PIGS: variants seen among roughly 807,000 people sequenced by gnomAD.
PIGS encodes phosphatidylinositol glycan anchor biosynthesis class S.
A neutral mutation model predicts 58.2 loss-of-function variants in PIGS; 37 were observed. The observed-to-expected ratio is 0.64, with a 90% CI of 0.49 to 0.84. The LOEUF is 0.84. PIGS is among the 40% of genes least tolerant of loss of function. The pLI is 0.00. For missense variants in PIGS, 629 were observed against 710.8 expected (o/e 0.88, Z 1.31); for synonymous variants, 269 against 289.2 (o/e 0.93, Z 0.71).
At chr17:28,560,315 C>A in intron 6 of PIGS, 124 bp from the exon 7 acceptor site, 1 of 1,219,918 alleles carries the variant, frequency 8.2e-7, no homozygotes, top group Non-Finnish European at 1.1e-6. Flanking sequence ...ATCATGGAAC[C>A]AAAAGGAGGA....
At chr17:28,563,379 A>G in intron 5 of PIGS, 52 bp downstream of exon 5, 1 of 1,400,368 alleles carries the variant, frequency 7.1e-7, no homozygotes, top group Non-Finnish European at 1.0e-6. Context: ...GTGACCCAGG[A>G]GTCCACGAGC....
chr17:28,558,443 A>G, intron 8 of PIGS, 33 bp downstream of exon 8: 1 of 1,544,090 alleles, frequency 6.5e-7, no homozygotes, highest in Non-Finnish European at 8.9e-7. Context: ...CTAGCCTGGC[A>G]GAAAAGAAAG....
Position 28,558,566 on chromosome 17 carries a change from C to T in PIGS, c.844G>A (p.Val282Met). The change falls in exon 8 of 12, where the codon GTG becomes ATG. Residue 282 changes from valine to methionine, a missense_variant. Val to Met is a conservative substitution (Grantham distance 21, BLOSUM62 1). Transcript: ENST00000308360. Reference sequence around the variant, plus strand: ...GAAGCTGAGTCAAAGCGGGGATTCACCCCCAACATTGCATAGTAAAGAATC... The same window carrying T: ...GAAGCTGAGTCAAAGCGGGGATTCATCCCCAACATTGCATAGTAAAGAATC... ...SQILYYAMLG[V>M]NPRFDSASSS... The T allele has an allele frequency of 6.2e-7, 1 of 1,611,904 alleles. No homozygotes were observed. The highest frequency in any genetic ancestry group is 8.5e-7 in the Non-Finnish European group (1 of 1,179,112).
At position 28,558,467 on chromosome 17, in the gene PIGS, G is replaced by A; in HGVS notation, c.934+9C>T. ...CAGAAAAGAAAGACCCTCATCCTTA[G>A]GTGCTCACCCAGCCGGGACTCCACT... is the stretch of plus-strand genomic sequence containing the variant. On this transcript the variant is annotated intron_variant, in intron 8 of 11. Transcript: ENST00000308360. The A allele has an allele frequency of 1.3e-6, 2 of 1,598,992 alleles. No homozygotes were observed. The highest frequency in any genetic ancestry group is 1.7e-6 in the Non-Finnish European group (2 of 1,168,886).
At chr17:28,554,627 T>C in intron 11 of PIGS, 132 bp from the exon 12 acceptor site, 1 of 1,278,562 alleles carries the variant, frequency 7.8e-7, no homozygotes, top group Non-Finnish European at 1.1e-6. Flanking sequence ...TGGAAGTCTT[T>C]CTACAGGGAT....
In PIGS at chr17:28,563,832, G is replaced by C. The variant is rs760475430; in HGVS notation, c.362C>G (p.Ser121Trp). ...CCTTCCCATACCTTGCACACTGCCC[G>C]ATGACAGGGCCTCCTCCTCATGGTC... ...ALDHEEEALS[S>W]GSVQEAEAML... is the part of the protein sequence containing the mutation. The change falls in exon 4 of 12, where the codon TCG becomes TGG. Residue 121 changes from serine to tryptophan, a missense_variant. Ser to Trp is a radical substitution (Grantham distance 177). Transcript: ENST00000308360. 1 of 1,613,634 alleles carries C rather than the reference G, an allele frequency of 6.2e-7. No homozygotes were observed. Among genetic ancestry groups the C allele is most frequent in the Non-Finnish European group, 8.5e-7 (1 of 1,179,666 alleles).
rs116225762 is a variant in PIGS at position 28,571,168 on chromosome 17, C to A, written c.55G>T (p.Ala19Ser). The A allele has an allele frequency of 1.3e-5, 21 of 1,613,330 alleles. No individual in the cohort carries two copies. In the East Asian group the frequency reaches 4.5e-4, roughly 34 times the overall value. The change falls in exon 2 of 12, where the codon GCC becomes TCC. Residue 19 changes from alanine (A) to serine (S), a missense_variant. Transcript: ENST00000308360. ...THLEVARGKR[A>S]ALFFAAVAIV... is the part of the protein sequence containing the mutation. ...GCCACCGCAGCGAAGAAGAGGGCGG[C>A]GCGCTTGCCCCGGGCCACCTCTGAG...
intron 10 of PIGS, chr17:28,555,422 AG>A: frequency 3.7e-6 from 1 of 271,440 alleles, no homozygotes; most frequent in Non-Finnish European, 7.1e-6. Flanking sequence ...CTTAGCATTA[AG>A]GGATGATCCA....
chr17:28,560,248 A>G, intron 6 of PIGS, 57 bp from the exon 7 acceptor site: 1 of 1,559,046 alleles, frequency 6.4e-7, no homozygotes. Flanking sequence ...GAAGAGGGGC[A>G]GCCTGTACTC....
Position 28,571,523 on chromosome 17 carries a change from G to T in PIGS, c.-27C>A. The T allele has an allele frequency of 1.3e-6, 2 of 1,591,764 alleles. No homozygotes were observed. The highest frequency in any genetic ancestry group is 1.7e-4 in the Middle Eastern group (1 of 6,040). On this transcript the variant is annotated 5_prime_UTR_variant, in exon 1 of 12. Transcript: ENST00000308360. ...CTAGCTTCCGGCTGCTCCGGCCACC[G>T]TGGGGGCAGAGCTTCGTGAGCCTCA...
intron 11 of PIGS, 28 bp downstream of exon 11, chr17:28,554,823 C>A: frequency 6.2e-7 from 1 of 1,612,554 alleles, no homozygotes. Context: ...CAGTCCCAAG[C>A]TGCAGAATCC....
chr17:28,562,929 G>A, intron 5 of PIGS, among the ~76,000 whole-genome samples: 1 of 152,050 alleles, frequency 6.6e-6, no homozygotes, highest in Admixed American at 6.6e-5. Context: ...TTGAACCCCT[G>A]AGTTCAAGCA....
Position 28,561,619 on chromosome 17 carries a change from C to T in PIGS, c.479G>A (p.Ser160Asn), listed in dbSNP as rs1398423756. 6.2e-7 allele frequency: 1 copy of T among 1,612,038 alleles called. No individual in the cohort carries two copies. The highest frequency in any genetic ancestry group is 8.5e-7 in the Non-Finnish European group (1 of 1,179,040). The part of the protein sequence containing the change: ...HSSLLPQDMM[S>N]YIGPKRTAVV... ...TGCTGTCCTCTTGGGCCCAATGTAG[C>T]TCATCATGTCCTGTGGGGGTGAGCA... Residue 160 changes from serine to asparagine, a missense_variant, in exon 6 of 12, where the codon AGC becomes AAC. Ser to Asn is a conservative substitution (Grantham distance 46). Transcript: ENST00000308360.
In PIGS at chr17:28,563,475, G is replaced by C; in HGVS notation, c.424C>G (p.Leu142Val). Residue 142 changes from leucine to valine, a missense_variant, in exon 5 of 12, where the codon CTG (leucine) becomes GTG (valine). Coordinates refer to ENST00000308360, the MANE Select transcript of PIGS (RefSeq NM_033198.4). ...DEPQEQAEGS[L>V]TVYVISEHSS... Reference sequence around the variant, plus strand: ...TGTTCAGATATCACGTACACAGTCAGGGAGCCCTCCGCTTGTTCCTGAGGC... The same window carrying C: ...TGTTCAGATATCACGTACACAGTCACGGAGCCCTCCGCTTGTTCCTGAGGC... The C allele has an allele frequency of 6.2e-7, 1 of 1,614,104 alleles. No homozygotes were observed. Among genetic ancestry groups the C allele is most frequent in the African/African-American group, 1.3e-5 (1 of 75,006 alleles).
chr17:28,560,365 C>T lies in PIGS; in HGVS notation c.677-174G>A, dbSNP rs1215772220. On this transcript the variant is annotated intron_variant, in intron 6 of 11. Transcript: ENST00000308360. ...GGAACACTGAGTAAGAAAAAGCTGCCGGGCGCTGTGGCTCATGTCTGTAAT... is the reference window on the plus strand; with the variant it reads ...GGAACACTGAGTAAGAAAAAGCTGCTGGGCGCTGTGGCTCATGTCTGTAAT... 1.8e-5 allele frequency: 13 copies of T among 716,776 alleles called. 1 individual carries two copies. The highest frequency in any genetic ancestry group is 1.6e-4 in the South Asian group (8 of 48,734). 44.4% of individuals were successfully genotyped at this position (716,776 alleles called of 1,614,324 possible).
At position 28,570,927 on chromosome 17, in the gene PIGS, G is replaced by C; in HGVS notation, c.211C>G (p.Arg71Gly). ...LMVPVTVVFT[R>G]ESVPLDDQEK... ...TGGTCGTCCAGGGGCACTGACTCCCGCGTAAACACGACAGTGACAGGCACC... is the reference window on the plus strand; with the variant it reads ...TGGTCGTCCAGGGGCACTGACTCCCCCGTAAACACGACAGTGACAGGCACC... Residue 71 changes from arginine to glycine, a missense_variant, in exon 3 of 12, where the codon CGG (arginine) becomes GGG (glycine). By Grantham distance (125) the Arg-to-Gly change is moderately radical. Transcript: ENST00000308360. The C allele has an allele frequency of 6.2e-7, 1 of 1,614,180 alleles. No homozygotes were observed.
intron 3 of PIGS, among the ~76,000 whole-genome samples, chr17:28,569,818 A>G (rs546710784): frequency 6.6e-6 from 1 of 152,362 alleles, no homozygotes; most frequent in African/African-American, 2.4e-5. Context: ...AATGGGGATC[A>G]TATCATTAGA....
chr17:28,570,945 C>G lies in PIGS; in HGVS notation c.193G>C (p.Val65Leu), dbSNP rs2070423625. ...GACTCCCGCGTAAACACGACAGTGA[C>G]AGGCACCATGAGGCGGAGCTACAGG... The part of the protein sequence containing the change: ...NALQLRLMVP[V>L]TVVFTRESVP... The change falls in exon 3 of 12, where the codon GTC becomes CTC. Residue 65 changes from valine (V) to leucine (L), a missense_variant. Val to Leu is a conservative substitution (Grantham distance 32). Coordinates refer to ENST00000308360, the MANE Select transcript of PIGS (RefSeq NM_033198.4). The G allele has an allele frequency of 6.2e-7, 1 of 1,614,124 alleles. No homozygotes were observed.
At chr17:28,568,318 G>T (rs772110990) in intron 3 of PIGS, among the ~76,000 whole-genome samples, 4 of 152,016 alleles carry the variant, frequency 2.6e-5, no homozygotes, top group Non-Finnish European at 4.4e-5. Flanking sequence ...AGCCGGGCTG[G>T]TCTCAAACTC....
Sources: gnomAD v4.1 joint callset for allele counts (sites outside exome capture counted in the v4.1 genomes callset) on GRCh38, gnomAD v4.1.1 for gene constraint, MANE v1.5 for transcripts, NCBI Gene and HGNC (gene_info 2026-07-23, HGNC 2026-07-21) for gene names.